PPP2R2C: variants seen among roughly 807,000 people sequenced by gnomAD.
PPP2R2C encodes protein phosphatase 2, regulatory subunit B, gamma.
A neutral mutation model predicts 45.3 loss-of-function variants in PPP2R2C; 10 were observed. The ratio of observed to expected loss-of-function variants is 0.22; its 90% CI spans 0.14 to 0.37. The LOEUF (loss-of-function observed/expected upper bound fraction) is 0.37. Among genes scored for constraint, PPP2R2C ranks in the 10% least tolerant of loss-of-function variants. The pLI, the probability that PPP2R2C is intolerant of heterozygous loss-of-function variation, is 1.00. For synonymous variants in PPP2R2C, 257 were observed against 245.4 expected (o/e 1.05, Z -0.44); for missense variants, 308 against 619.7 (o/e 0.50, Z 5.34).
chr4:6,348,521 C>T lies in PPP2R2C; in HGVS notation c.626-511G>A, dbSNP rs565686989. On this transcript the variant is annotated intron_variant, in intron 5 of 8. Transcript: ENST00000382599. The stretch of plus-strand genomic sequence containing the variant: ...ATCTGGGAGCTCCCCTTCCTGCCCC[C>T]GGCACCTGCTCCCCTTCTTCTGACC... 5.7e-4 allele frequency: 284 copies of T among 495,964 alleles called. 3 individuals carry two copies. The South Asian group carries it at 0.015, about 26-fold the overall frequency. The allele number at this position is 495,964 out of a possible 1,614,324, so 30.7% of individuals were successfully genotyped here. A position where few individuals can be genotyped will look rare whatever the true frequency, so the allele number is the denominator to read the frequency against.
intron 1 of PPP2R2C, among the ~76,000 whole-genome samples, chr4:6,437,414 T>TGATTCAA (rs1251409310): frequency 6.6e-6 from 1 of 152,240 alleles, no homozygotes. Context: ...TGTAGTTGTC[T>TGATTCAA]GATTCAACTG....
At chr4:6,377,816 A>G (rs1715453600) in intron 3 of PPP2R2C, among the ~76,000 whole-genome samples, 1 of 152,026 alleles carries the variant, frequency 6.6e-6, no homozygotes, top group Non-Finnish European at 1.5e-5. Context: ...ACTCCCTCAG[A>G]GTGGAGCCTG....
chr4:6,439,263 A>T (rs190342618), intron 1 of PPP2R2C, among the ~76,000 whole-genome samples: 5 of 152,358 alleles, frequency 3.3e-5, no homozygotes, highest in Admixed American at 6.5e-5. Context: ...GAAGCCCAAA[A>T]AGATAAAGCA....
At chr4:6,544,353 T>C (rs899383392) in intron 1 of PPP2R2C, among the ~76,000 whole-genome samples, 2 of 152,248 alleles carry the variant, frequency 1.3e-5, no homozygotes, top group Admixed American at 1.3e-4. Flanking sequence ...TTATTATTTT[T>C]ATTTTTAGAG....
chr4:6,377,699 G>C (rs1054048855), intron 3 of PPP2R2C, among the ~76,000 whole-genome samples: 1 of 152,058 alleles, frequency 6.6e-6, no homozygotes, highest in African/African-American at 2.4e-5. Flanking sequence ...TGTCCTACCC[G>C]ACCCCAGGCT....
chr4:6,367,807 A>G (rs1023774484), intron 5 of PPP2R2C, among the ~76,000 whole-genome samples: 6 of 152,190 alleles, frequency 3.9e-5, no homozygotes, highest in African/African-American at 1.2e-4. Flanking sequence ...CACCAGGTGC[A>G]CTGAGGTTCC....
At chr4:6,557,945 C>A (rs1482992235) in intron 1 of PPP2R2C, among the ~76,000 whole-genome samples, 1 of 152,142 alleles carries the variant, frequency 6.6e-6, no homozygotes, top group South Asian at 2.1e-4. Flanking sequence ...GCAAACCCTC[C>A]CCAGCCCCAC....
chr4:6,383,160 C>A (rs945110358), intron 1 of PPP2R2C: 3 of 1,170,728 alleles, frequency 2.6e-6, no homozygotes, highest in Non-Finnish European at 3.2e-6. Context: ...ACGCCTCTGG[C>A]GGTACCAGGA....
chr4:6,462,851 T>C (rs996787219), intron 1 of PPP2R2C, among the ~76,000 whole-genome samples: 2 of 152,194 alleles, frequency 1.3e-5, no homozygotes, highest in African/African-American at 2.4e-5. Flanking sequence ...ATGAAGGAAG[T>C]ACAGCAAGAT....
upstream of PPP2R2C, among the ~76,000 whole-genome samples, chr4:6,474,094 T>C: frequency 6.7e-6 from 1 of 149,584 alleles, no homozygotes; most frequent in South Asian, 2.2e-4. Flanking sequence ...ATGTGCTTGT[T>C]CTTTGTCACT....
intron 2 of PPP2R2C, among the ~76,000 whole-genome samples, chr4:6,488,107 G>A (rs1419513052): frequency 1.3e-5 from 2 of 152,096 alleles, no homozygotes; most frequent in African/African-American, 4.8e-5. Context: ...TTGATTGTAT[G>A]TCCAATCTTT....
At chr4:6,384,016 C>T (rs4356980) in intron 1 of PPP2R2C, 931,789 of 985,482 alleles carry the variant, frequency 0.95, 440,645 homozygotes, top group East Asian at 1. Flanking sequence ...GCACATGTCA[C>T]TGAACTTAAA....
Position 6,492,112 on chromosome 4 carries a change from G to A in PPP2R2C, c.49+43159C>T, listed in dbSNP as rs534950680. ...AGCCTAAATTAGCTTAGCAAAAAAG[G>A]GGACACAATTCCAGGCCCTGACAGT... is the stretch of plus-strand genomic sequence containing the variant. On this transcript the variant is annotated intron_variant, in intron 2 of 9. Coordinates refer to the PPP2R2C transcript ENST00000506140. Among the ~76,000 whole-genome samples the A allele has an allele frequency of 3.3e-5, 5 of 152,286 alleles. 1 individual carries two copies. The South Asian group carries it at 1.0e-3, about 32-fold the overall frequency.
intron 1 of PPP2R2C, among the ~76,000 whole-genome samples, chr4:6,450,820 G>C (rs1263663978): frequency 6.6e-6 from 1 of 152,132 alleles, no homozygotes; most frequent in African/African-American, 2.4e-5. Context: ...GGAGACAGGT[G>C]GAGGCACCTC....
chr4:6,506,599 G>A (rs1430766788), intron 2 of PPP2R2C, among the ~76,000 whole-genome samples: 1 of 152,234 alleles, frequency 6.6e-6, no homozygotes, highest in Non-Finnish European at 1.5e-5. Context: ...GGACACAGGA[G>A]ATAGGAAAGC....
At chr4:6,356,211 G>A (rs1272479847) in intron 5 of PPP2R2C, among the ~76,000 whole-genome samples, 1 of 152,134 alleles carries the variant, frequency 6.6e-6, no homozygotes, top group African/African-American at 2.4e-5. Context: ...TTGTTCTACT[G>A]TTTATATCCC....
intron 5 of PPP2R2C, among the ~76,000 whole-genome samples, chr4:6,356,582 A>G (rs1271472201): frequency 6.6e-6 from 1 of 152,216 alleles, no homozygotes; most frequent in African/African-American, 2.4e-5. Context: ...GGTTTCCCCA[A>G]CTTCAGAAGG....
intron 1 of PPP2R2C, among the ~76,000 whole-genome samples, chr4:6,562,468 CG>C (rs201107217): frequency 0.39 from 35,796 of 92,540 alleles, 5,407 homozygotes; most frequent in East Asian, 0.53. Flanking sequence ...TCAACGGAGT[CG>C]GGGGGGGGGG....
intron 2 of PPP2R2C, among the ~76,000 whole-genome samples, chr4:6,519,160 C>T (rs1426740528): frequency 2.0e-5 from 3 of 152,136 alleles, no homozygotes; most frequent in African/African-American, 7.2e-5. Context: ...TGCCACCATC[C>T]ACCCTTCTGA....
Sources: allele counts gnomAD v4.1 joint callset (sites outside exome capture counted in the v4.1 genomes callset), GRCh38; gene constraint gnomAD v4.1.1; transcripts MANE v1.5; gene names NCBI Gene and HGNC (gene_info 2026-07-23, HGNC 2026-07-21).